Variants in CCDC91 observed in about 807,000 individuals in gnomAD.
CCDC91 encodes coiled-coil domain containing 91, also known as coiled-coil domain-containing protein 91.
In CCDC91, 48 loss-of-function variants were observed where a neutral mutation model predicts 63.2. The ratio of observed to expected loss-of-function variants is 0.76; its 90% CI spans 0.60 to 0.97. The LOEUF is 0.97. CCDC91 is among the 50% of genes least tolerant of loss of function. The pLI is 0.00. For missense variants in CCDC91, 500 were observed against 494.6 expected (o/e 1.01, Z -0.10); for synonymous variants, 167 against 165.8 (o/e 1.01, Z -0.06).
At chr12:28,214,657 T>G (rs1943451784) in intron 1 of CCDC91, among the ~76,000 whole-genome samples, 1 of 152,186 alleles carries the variant, frequency 6.6e-6, no homozygotes, top group South Asian at 2.1e-4. Context: ...CGACTATATA[T>G]AATAGTATTT....
At chr12:28,418,149 T>C (rs910436936) in intron 8 of CCDC91, among the ~76,000 whole-genome samples, 3 of 152,106 alleles carry the variant, frequency 2.0e-5, no homozygotes, top group Non-Finnish European at 2.9e-5. Context: ...TATTTTCCAA[T>C]GTGGCTGTAC....
chr12:28,216,475 C>A (rs1478598262), intron 1 of CCDC91, among the ~76,000 whole-genome samples: 2 of 151,640 alleles, frequency 1.3e-5, no homozygotes, highest in Non-Finnish European at 2.9e-5. Flanking sequence ...GAAAGTTGTG[C>A]CATCTTTTTG....
chr12:28,354,496 A>G (rs1426131312), intron 6 of CCDC91, among the ~76,000 whole-genome samples: 1 of 152,168 alleles, frequency 6.6e-6, no homozygotes, highest in Non-Finnish European at 1.5e-5. Context: ...TAGGACTTGG[A>G]CAAACCTTTT....
At chr12:28,295,972 T>C (rs1284843982) in intron 3 of CCDC91, among the ~76,000 whole-genome samples, 1 of 151,942 alleles carries the variant, frequency 6.6e-6, no homozygotes, top group Non-Finnish European at 1.5e-5. Context: ...GATACTATGA[T>C]TTTGGAATAT....
At chr12:28,364,391 AAAAAAC>A (rs1328979966) in intron 7 of CCDC91, among the ~76,000 whole-genome samples, 1 of 152,216 alleles carries the variant, frequency 6.6e-6, no homozygotes, top group Non-Finnish European at 1.5e-5. Context: ...CCGTCTCAAA[AAAAAAC>A]AAAAACAAAA....
chr12:28,258,674 C>G (rs1946616431), intron 2 of CCDC91, among the ~76,000 whole-genome samples: 1 of 151,944 alleles, frequency 6.6e-6, no homozygotes, highest in Non-Finnish European at 1.5e-5. Context: ...TCAGATTACC[C>G]CTTTTAACTT....
chr12:28,256,539 A>G (rs778017403), intron 1 of CCDC91, among the ~76,000 whole-genome samples: 2 of 151,996 alleles, frequency 1.3e-5, no homozygotes, highest in Non-Finnish European at 2.9e-5. Context: ...TCTCTCTTAC[A>G]TACTTTAAGA....
rs1296495287 is a variant in CCDC91, at chr12:28,306,745, C to G, written c.271C>G (p.Gln91Glu). The change falls in exon 5 of 13, where the codon CAG becomes GAG. Residue 91 changes from glutamine (Q) to glutamate (E), a missense_variant. Coordinates refer to ENST00000536442, the MANE Select transcript of CCDC91 (RefSeq NM_018318.5). ...VSQTIPKAQI[Q>E]QSTHTHLDIS... ...TTTTTTTTTTTATGTGGTTTAGATTCAGCAATCAACACACACTCATCTGGA... is the reference window on the plus strand; with the variant it reads ...TTTTTTTTTTTATGTGGTTTAGATTGAGCAATCAACACACACTCATCTGGA... 1.3e-6 allele frequency: 2 copies of G among 1,595,168 alleles called. No individual in the cohort carries two copies. Among genetic ancestry groups the G allele is most frequent in the African/African-American group, 2.7e-5 (2 of 73,762 alleles).
intron 1 of CCDC91, among the ~76,000 whole-genome samples, chr12:28,226,360 A>C (rs1944274006): frequency 6.6e-6 from 1 of 152,182 alleles, no homozygotes; most frequent in Non-Finnish European, 1.5e-5. Context: ...GTGACGTCTT[A>C]AATTCTGTGG....
intron 7 of CCDC91, among the ~76,000 whole-genome samples, chr12:28,364,308 A>G (rs1308059233): frequency 6.6e-6 from 1 of 152,070 alleles, no homozygotes; most frequent in African/African-American, 2.4e-5. Flanking sequence ...GAATTGCTTG[A>G]ATCTGGGAGG....
chr12:28,373,304 T>C (rs927787513), intron 7 of CCDC91, among the ~76,000 whole-genome samples: 1 of 152,168 alleles, frequency 6.6e-6, no homozygotes, highest in Non-Finnish European at 1.5e-5. Flanking sequence ...TGTTTCTAGG[T>C]GTGTGTCTTT....
intron 12 of CCDC91, among the ~76,000 whole-genome samples, chr12:28,495,760 A>G (rs1592846546): frequency 6.6e-6 from 1 of 151,618 alleles, no homozygotes; most frequent in Non-Finnish European, 1.5e-5. Context: ...TGAATTCCTC[A>G]TGCTCTTCAT....
chr12:28,220,923 ATGTT>A (rs1397041395), intron 1 of CCDC91, among the ~76,000 whole-genome samples: 2 of 151,740 alleles, frequency 1.3e-5, no homozygotes, highest in Non-Finnish European at 2.9e-5. Context: ...TGATTTCTTT[ATGTT>A]TGTTCTTTCT....
intron 3 of CCDC91, among the ~76,000 whole-genome samples, chr12:28,269,529 C>T (rs1251173287): frequency 1.3e-5 from 2 of 152,084 alleles, no homozygotes; most frequent in African/African-American, 2.4e-5. Context: ...TGCATCCACT[C>T]TCAGTGTCTG....
At chr12:28,530,331 G>A (rs1208391463) in intron 12 of CCDC91, among the ~76,000 whole-genome samples, 1 of 152,186 alleles carries the variant, frequency 6.6e-6, no homozygotes, top group Non-Finnish European at 1.5e-5. Flanking sequence ...CACATGCAGA[G>A]GAGCTGAGGC....
At chr12:28,378,474 A>C (rs540018142) in intron 7 of CCDC91, among the ~76,000 whole-genome samples, 2 of 152,118 alleles carry the variant, frequency 1.3e-5, no homozygotes, top group African/African-American at 4.8e-5. Context: ...GTATTGTATA[A>C]AGTTCTTTTC....
chr12:28,518,109 T>A (rs1250737466), intron 12 of CCDC91, among the ~76,000 whole-genome samples: 1 of 152,014 alleles, frequency 6.6e-6, no homozygotes, highest in Non-Finnish European at 1.5e-5. Flanking sequence ...TGTGCAAGTA[T>A]CTTTTCATAT....
chr12:28,206,498 G>A (rs1387268389), intron 1 of CCDC91, among the ~76,000 whole-genome samples: 4 of 152,086 alleles, frequency 2.6e-5, no homozygotes, highest in Non-Finnish European at 5.9e-5. Flanking sequence ...TTATGACTAC[G>A]GGAGGATAAT....
At position 28,422,972 on chromosome 12, in the gene CCDC91, T is replaced by G. The variant is rs79998981; in HGVS notation, c.763-27189T>G. On this transcript the variant is annotated intron_variant, in intron 8 of 12. Coordinates refer to ENST00000536442, the MANE Select transcript of CCDC91 (RefSeq NM_018318.5). Reference sequence around the variant, plus strand: ...GTTGGTGTTTGTTGTTGTTGGTGGTTGTTGTTGTTATTGTTTGGCTTATTA... The same window carrying G: ...GTTGGTGTTTGTTGTTGTTGGTGGTGGTTGTTGTTATTGTTTGGCTTATTA... 9.7e-3 allele frequency among the ~76,000 whole-genome samples: 1,450 copies of G among 149,490 alleles called. 27 individuals carry two copies. The highest frequency in any genetic ancestry group is 0.032 in the African/African-American group (1,335 of 41,246).
Sources: allele counts gnomAD v4.1 joint callset (sites outside exome capture counted in the v4.1 genomes callset), GRCh38; gene constraint gnomAD v4.1.1; transcripts MANE v1.5; gene names NCBI Gene and HGNC (gene_info 2026-07-23, HGNC 2026-07-21).